SNTG1: variants seen among roughly 807,000 people sequenced by gnomAD.
SNTG1 encodes the protein gamma-1-syntrophin.
In SNTG1, 39 loss-of-function variants were observed where a neutral mutation model predicts 74.7. The observed-to-expected ratio is 0.52, with a 90% CI of 0.40 to 0.68. The LOEUF (loss-of-function observed/expected upper bound fraction) is 0.68, where lower values mean the gene tolerates loss of function less well. Among genes scored for constraint, SNTG1 ranks in the 30% least tolerant of loss-of-function variants. The pLI is 0.00. For missense variants in SNTG1, 685 were observed against 609.5 expected, an observed-to-expected ratio of 1.12 and a Z score of -1.30; for synonymous variants, 254 against 217.1, an observed-to-expected ratio of 1.17 and a Z score of -1.49.
At chr8:50,617,891 G>C (rs1244181213) in intron 13 of SNTG1, among the ~76,000 whole-genome samples, 1 of 152,164 alleles carries the variant, frequency 6.6e-6, no homozygotes, top group African/African-American at 2.4e-5. Flanking sequence ...GTGGCACCGG[G>C]CTGTCTGCTT....
intron 4 of SNTG1, among the ~76,000 whole-genome samples, chr8:50,425,803 G>T (rs2093156404): frequency 6.6e-6 from 1 of 152,154 alleles, no homozygotes; most frequent in Admixed American, 6.5e-5. Flanking sequence ...ATATTGGAGG[G>T]TGACGTTTGA....
chr8:50,115,582 A>T (rs892509351), intron 1 of SNTG1, among the ~76,000 whole-genome samples: 1 of 147,746 alleles, frequency 6.8e-6, no homozygotes, highest in African/African-American at 2.5e-5. Context: ...AAAAAAAAAA[A>T]AAAAACGAGA....
chr8:50,345,939 T>C (rs1050300996), intron 2 of SNTG1, among the ~76,000 whole-genome samples: 2 of 152,252 alleles, frequency 1.3e-5, no homozygotes, highest in African/African-American at 2.4e-5. Flanking sequence ...TTTTACCAAA[T>C]CTAATAGTGT....
chr8:50,005,036 A>G (rs567421600), intron 1 of SNTG1, among the ~76,000 whole-genome samples: 72 of 152,310 alleles, frequency 4.7e-4, no homozygotes, highest in African/African-American at 1.6e-3. Flanking sequence ...TGTTGTTTCT[A>G]TAAATATAAT....
rs145485369 is a variant in SNTG1, at chr8:50,395,780, G to A, written c.27+1515G>A. Among the ~76,000 whole-genome samples, 333 of 152,130 alleles carry A rather than the reference G, an allele frequency of 2.2e-3. 2 individuals carry two copies. Among genetic ancestry groups the A allele is most frequent in the African/African-American group, 7.4e-3 (309 of 41,504 alleles). On this transcript the variant is annotated intron_variant, in intron 3 of 18. Transcript: ENST00000642720. ...CCCGACTCGGCCTCCCAAAGTGCTG[G>A]GATTACAGGCGTGAGCCACTGTGCC...
chr8:49,991,508 C>T (rs1230134413), intron 1 of SNTG1, among the ~76,000 whole-genome samples: 1 of 151,730 alleles, frequency 6.6e-6, no homozygotes, highest in Non-Finnish European at 1.5e-5. Context: ...TTCATAATAG[C>T]CAGAGGGTGA....
intron 5 of SNTG1, 91 bp downstream of exon 5, chr8:50,438,690 C>T (rs1375227058): frequency 1.8e-6 from 2 of 1,086,350 alleles, no homozygotes; most frequent in Admixed American, 1.9e-5. Flanking sequence ...AATAATTAGA[C>T]AAGGATGGCT....
intron 1 of SNTG1, among the ~76,000 whole-genome samples, chr8:50,152,791 T>C (rs1586501558): frequency 6.6e-6 from 1 of 152,176 alleles, no homozygotes; most frequent in African/African-American, 2.4e-5. Flanking sequence ...GTCTGATGGG[T>C]TTCCCTTTGT....
chr8:50,059,790 C>T (rs1454029845), intron 1 of SNTG1, among the ~76,000 whole-genome samples: 2 of 152,104 alleles, frequency 1.3e-5, no homozygotes, highest in East Asian at 1.9e-4. Context: ...ATGAATAATG[C>T]TTTTCTTAAT....
chr8:50,000,068 GTTCA>G, intron 1 of SNTG1, among the ~76,000 whole-genome samples: 1 of 152,204 alleles, frequency 6.6e-6, no homozygotes, highest in South Asian at 2.1e-4. Context: ...GAGAAAGTCT[GTTCA>G]TTCATTTAAC....
chr8:50,451,992 G>A (rs2093461977), intron 8 of SNTG1, among the ~76,000 whole-genome samples: 1 of 152,156 alleles, frequency 6.6e-6, no homozygotes, highest in South Asian at 2.1e-4. Flanking sequence ...AGTTTATTTG[G>A]TTTTTGAATA....
rs114317102 is a variant in SNTG1, at chr8:50,036,758, G to A, written c.-103+124527G>A. 5.5e-3 allele frequency among the ~76,000 whole-genome samples: 838 copies of A among 152,108 alleles called. 15 individuals carry two copies. Among genetic ancestry groups the A allele is most frequent in the African/African-American group, 0.018 (762 of 41,490 alleles). On this transcript the variant is annotated intron_variant, in intron 1 of 18. Transcript: ENST00000642720. ...GCTAAAAACCAAACTCCTCTTCTTC[G>A]GCTGAAGTAAGCATTCTCTGTAAGT...
At chr8:50,539,275 A>G (rs1241567121) in intron 11 of SNTG1, among the ~76,000 whole-genome samples, 2 of 152,110 alleles carry the variant, frequency 1.3e-5, no homozygotes, top group African/African-American at 4.8e-5. Context: ...TGAGATTCAG[A>G]TTACTATTTA....
chr8:50,117,032 A>G lies in SNTG1; in HGVS notation c.-102-55529A>G, dbSNP rs1481168502. On this transcript the variant is annotated intron_variant, in intron 1 of 18. Coordinates refer to ENST00000642720, the MANE Select transcript of SNTG1 (RefSeq NM_018967.5). Reference sequence around the variant, plus strand: ...TTTCTCAGTGGAGAATGAGGCATGAAACAACATGACGAAGATTATATTTGA... The same window carrying G: ...TTTCTCAGTGGAGAATGAGGCATGAGACAACATGACGAAGATTATATTTGA... Among the ~76,000 whole-genome samples the G allele has an allele frequency of 2.0e-5, 3 of 152,240 alleles. No homozygotes were observed. In the East Asian group the frequency reaches 5.8e-4, roughly 30 times the overall value.
chr8:50,299,620 T>C (rs2089553094), intron 2 of SNTG1, among the ~76,000 whole-genome samples: 1 of 152,172 alleles, frequency 6.6e-6, no homozygotes, highest in African/African-American at 2.4e-5. Context: ...ATTATAATAG[T>C]GTTTTAATTT....
chr8:50,758,772 G>A (rs1349736075), intron 18 of SNTG1, among the ~76,000 whole-genome samples: 2 of 151,998 alleles, frequency 1.3e-5, no homozygotes, highest in Non-Finnish European at 2.9e-5. Context: ...GAACAGTGCA[G>A]CAATAAACAT....
At chr8:49,928,872 A>T (rs1200312386) in intron 1 of SNTG1, among the ~76,000 whole-genome samples, 1 of 152,130 alleles carries the variant, frequency 6.6e-6, no homozygotes, top group African/African-American at 2.4e-5. Context: ...CTCTAGCCTT[A>T]AATATATTTT....
chr8:49,936,934 A>G (rs1323300316), intron 1 of SNTG1, among the ~76,000 whole-genome samples: 1 of 152,174 alleles, frequency 6.6e-6, no homozygotes, highest in African/African-American at 2.4e-5. Flanking sequence ...AGATCATCTG[A>G]GGTCAGGAGT....
chr8:50,721,126 T>C (rs1032054405), intron 17 of SNTG1, among the ~76,000 whole-genome samples: 4 of 152,216 alleles, frequency 2.6e-5, no homozygotes, highest in Non-Finnish European at 5.9e-5. Context: ...CATTTGTACA[T>C]TATTAATGCA....
Sources: gnomAD v4.1 joint callset for allele counts (sites outside exome capture counted in the v4.1 genomes callset) on GRCh38, gnomAD v4.1.1 for gene constraint, MANE v1.5 for transcripts, NCBI Gene and HGNC (gene_info 2026-07-23, HGNC 2026-07-21) for gene names.